The following PGCKA1 variants were observed in gnomAD, a reference collection of about 807,000 sequenced individuals.
PGCKA1 encodes the protein PDCD10 and GCKIII kinases associated 1, also known as PDCD10 and GCKIII kinases-associated protein 1.
the PGCKA1 span, among the ~76,000 whole-genome samples, chr4:37,507,524 G>C: frequency 6.6e-6 from 1 of 151,990 alleles, no homozygotes; most frequent in Non-Finnish European, 1.5e-5. Context: ...AACAACACTA[G>C]CATAAACAAA....
chr4:37,558,274 G>A, the PGCKA1 span, among the ~76,000 whole-genome samples: 1 of 152,082 alleles, frequency 6.6e-6, no homozygotes, highest in African/African-American at 2.4e-5. Flanking sequence ...TTTTACGTTT[G>A]TTTTTTGGAC....
the PGCKA1 span, among the ~76,000 whole-genome samples, chr4:37,487,122 A>G: frequency 6.6e-6 from 1 of 152,240 alleles, no homozygotes; most frequent in Non-Finnish European, 1.5e-5. Context: ...AAAATGGGCC[A>G]AGAACCACAT....
At chr4:37,585,675 G>A in the PGCKA1 span, among the ~76,000 whole-genome samples, 8 of 151,620 alleles carry the variant, frequency 5.3e-5, no homozygotes, top group African/African-American at 1.5e-4. Context: ...GCTTCTTCTC[G>A]CCTGTCCTAT....
chr4:37,519,777 T>C, the PGCKA1 span, among the ~76,000 whole-genome samples: 1 of 152,226 alleles, frequency 6.6e-6, no homozygotes, highest in South Asian at 2.1e-4. Flanking sequence ...TTAATGGCTC[T>C]AGCTAGGACT....
At chr4:37,472,713 C>A in the PGCKA1 span, among the ~76,000 whole-genome samples, 6 of 152,154 alleles carry the variant, frequency 3.9e-5, no homozygotes, top group African/African-American at 1.4e-4. Context: ...AGGATGTCTT[C>A]CTTTTTGAAA....
the PGCKA1 span, among the ~76,000 whole-genome samples, chr4:37,510,779 C>T: frequency 0.09 from 13,619 of 152,052 alleles, 642 homozygotes; most frequent in African/African-American, 0.12. Flanking sequence ...GGCTCATGTC[C>T]TTCTTTTCAG....
At chr4:37,500,560 T>A in the PGCKA1 span, among the ~76,000 whole-genome samples, 2 of 152,244 alleles carry the variant, frequency 1.3e-5, no homozygotes, top group African/African-American at 4.8e-5. Context: ...TTTTAGAGTA[T>A]GTGCCATGTG....
the PGCKA1 span, among the ~76,000 whole-genome samples, chr4:37,512,600 C>T: frequency 2.0e-4 from 30 of 151,894 alleles, 1 homozygote; most frequent in Middle Eastern, 6.8e-3. Flanking sequence ...ACTACAGGCA[C>T]GGGCCACTAG....
chr4:37,465,874 T>C, the PGCKA1 span, among the ~76,000 whole-genome samples: 2 of 152,144 alleles, frequency 1.3e-5, no homozygotes, highest in African/African-American at 2.4e-5. Flanking sequence ...TCATGGAAAG[T>C]TCATGAAAGA....
chr4:37,517,282 A>AG, the PGCKA1 span, among the ~76,000 whole-genome samples: 3 of 147,680 alleles, frequency 2.0e-5, no homozygotes, highest in African/African-American at 7.4e-5. Context: ...TATATATATA[A>AG]ATATGTATAA....
chr4:37,463,374 C>G, the PGCKA1 span, among the ~76,000 whole-genome samples: 1 of 152,134 alleles, frequency 6.6e-6, no homozygotes, highest in Non-Finnish European at 1.5e-5. Context: ...TTGGCTAGAC[C>G]GTCAAGATTG....
chr4:37,577,595 T>G, the PGCKA1 span, among the ~76,000 whole-genome samples: 10 of 152,256 alleles, frequency 6.6e-5, no homozygotes, highest in African/African-American at 2.4e-4. Context: ...TCTTTTCTTC[T>G]GGGTTTGGTT....
chr4:37,562,328 T>C, the PGCKA1 span, among the ~76,000 whole-genome samples: 2 of 152,164 alleles, frequency 1.3e-5, no homozygotes, highest in Non-Finnish European at 1.5e-5. Context: ...AGAAGGAATA[T>C]GTACATTTGA....
the PGCKA1 span, among the ~76,000 whole-genome samples, chr4:37,553,968 A>T: frequency 2.6e-5 from 4 of 152,200 alleles, no homozygotes; most frequent in African/African-American, 9.7e-5. Context: ...ATCCACCTTG[A>T]TACAGTGATA....
the PGCKA1 span, among the ~76,000 whole-genome samples, chr4:37,528,184 T>C: frequency 6.6e-6 from 1 of 152,350 alleles, no homozygotes; most frequent in East Asian, 1.9e-4. Context: ...TTCTGAGTAC[T>C]GCTTGAATAC....
At chr4:37,482,580 GA>G in the PGCKA1 span, among the ~76,000 whole-genome samples, 6 of 152,194 alleles carry the variant, frequency 3.9e-5, no homozygotes, top group Non-Finnish European at 7.3e-5. Flanking sequence ...CAATAGAAAA[GA>G]AAACCCTTTT....
At chr4:37,485,005 G>T in the PGCKA1 span, among the ~76,000 whole-genome samples, 1 of 152,178 alleles carries the variant, frequency 6.6e-6, no homozygotes, top group African/African-American at 2.4e-5. Flanking sequence ...TTCAATCTAA[G>T]AAGTGAATAT....
chr4:37,479,241 C>A, the PGCKA1 span, among the ~76,000 whole-genome samples: 1 of 152,158 alleles, frequency 6.6e-6, no homozygotes, highest in Non-Finnish European at 1.5e-5. Context: ...AACTTAGATG[C>A]AATATTAATA....
At chr4:37,562,578 G>T in the PGCKA1 span, among the ~76,000 whole-genome samples, 1 of 152,208 alleles carries the variant, frequency 6.6e-6, no homozygotes, top group African/African-American at 2.4e-5. Flanking sequence ...AGGGCAGTGG[G>T]AGTGCACATA....
Sources: gnomAD v4.1 joint callset for allele counts (sites outside exome capture counted in the v4.1 genomes callset) on GRCh38, gnomAD v4.1.1 for gene constraint, MANE v1.5 for transcripts, NCBI Gene and HGNC (gene_info 2026-07-23, HGNC 2026-07-21) for gene names.